CHODL: variants seen among roughly 807,000 people sequenced by gnomAD.
The protein encoded by CHODL is chondrolectin, also known as transmembrane protein MT75.
A neutral mutation model predicts 34.5 loss-of-function variants in CHODL; 29 were observed. The ratio of observed to expected loss-of-function variants is 0.84; its 90% CI spans 0.63 to 1.15. The LOEUF is 1.15. CHODL is among the 50% of genes most tolerant of loss of function. CHODL has a pLI of 0.00. For missense variants in CHODL, 332 were observed against 332.5 expected, an observed-to-expected ratio of 1.00 and a Z score of 0.01; for synonymous variants, 125 against 116.1, an observed-to-expected ratio of 1.08 and a Z score of -0.49.
intron 2 of CHODL, among the ~76,000 whole-genome samples, chr21:18,074,423 A>G (rs2064840786): frequency 6.6e-6 from 1 of 152,180 alleles, no homozygotes; most frequent in African/African-American, 2.4e-5. Flanking sequence ...AGAACATTAC[A>G]CAGGCTTTAT....
chr21:18,070,410 G>A (rs1260703441), intron 2 of CHODL, among the ~76,000 whole-genome samples: 1 of 151,732 alleles, frequency 6.6e-6, no homozygotes, highest in Non-Finnish European at 1.5e-5. Flanking sequence ...AAATTCACCA[G>A]CAGTCCTTAG....
At chr21:18,193,620 CAGGAGGCAG>C (rs1332262601) in intron 2 of CHODL, among the ~76,000 whole-genome samples, 1 of 150,456 alleles carries the variant, frequency 6.6e-6, no homozygotes, top group Non-Finnish European at 1.5e-5. Flanking sequence ...TGTTTGAACC[CAGGAGGCAG>C]AGGTTGCAGT....
intron 2 of CHODL, among the ~76,000 whole-genome samples, chr21:18,161,950 G>A (rs569550803): frequency 2.6e-5 from 4 of 152,260 alleles, no homozygotes; most frequent in South Asian, 4.1e-4. Flanking sequence ...TAAGTGTACA[G>A]CTGGTTGAGC....
chr21:18,087,294 G>T (rs1334002393), intron 2 of CHODL, among the ~76,000 whole-genome samples: 2 of 152,160 alleles, frequency 1.3e-5, no homozygotes, highest in African/African-American at 2.4e-5. Context: ...ATTGTCTGAG[G>T]TACTCATAGG....
At chr21:18,139,654 G>C (rs1235094193) in intron 2 of CHODL, among the ~76,000 whole-genome samples, 2 of 152,138 alleles carry the variant, frequency 1.3e-5, no homozygotes, top group Admixed American at 1.3e-4. Context: ...AGACTTTGCA[G>C]GCCCATTCAG....
chr21:18,151,498 T>C (rs2072968642), intron 2 of CHODL, among the ~76,000 whole-genome samples: 1 of 152,228 alleles, frequency 6.6e-6, no homozygotes, highest in South Asian at 2.1e-4. Flanking sequence ...TGTAATATTC[T>C]TTACAGTAAA....
intron 1 of CHODL, among the ~76,000 whole-genome samples, chr21:17,992,936 A>T (rs1385304074): frequency 6.6e-6 from 1 of 152,052 alleles, no homozygotes; most frequent in Non-Finnish European, 1.5e-5. Flanking sequence ...CACAGGTGTG[A>T]GCCACGGCGC....
chr21:18,202,351 G>A (rs567767127), intron 2 of CHODL, among the ~76,000 whole-genome samples: 11 of 152,122 alleles, frequency 7.2e-5, no homozygotes, highest in Non-Finnish European at 1.0e-4. Flanking sequence ...TTGGAGTAAG[G>A]AAATCACTAA....
intron 1 of CHODL, among the ~76,000 whole-genome samples, chr21:17,921,547 A>G (rs187810007): frequency 1.3e-5 from 2 of 152,320 alleles, no homozygotes; most frequent in East Asian, 3.9e-4. Flanking sequence ...GGGATGAAGG[A>G]GCCACTAGGA....
intron 2 of CHODL, among the ~76,000 whole-genome samples, chr21:18,203,411 G>A (rs558719205): frequency 3.0e-4 from 45 of 152,066 alleles, no homozygotes; most frequent in Non-Finnish European, 5.3e-4. Context: ...CATGCAGTTC[G>A]TTCTAAAACT....
At chr21:18,133,885 A>G (rs1205651840) in intron 2 of CHODL, among the ~76,000 whole-genome samples, 1 of 152,160 alleles carries the variant, frequency 6.6e-6, no homozygotes, top group Non-Finnish European at 1.5e-5. Context: ...GCCAGCATCT[A>G]TAAAACTGTG....
chr21:18,206,771 GT>G (rs2073716365), intron 2 of CHODL, among the ~76,000 whole-genome samples: 1 of 150,186 alleles, frequency 6.7e-6, no homozygotes, highest in South Asian at 2.1e-4. Context: ...CTCTGGTGGT[GT>G]TCTACTTTCT....
At position 17,949,034 on chromosome 21, in the gene CHODL, C is replaced by A. The variant is rs1221621056; in HGVS notation, c.-145+31634C>A. On this transcript the variant is annotated intron_variant, in intron 1 of 6. Transcript: ENST00000400127. ...TATGGAGTTAGAATACCTAACTATG[C>A]AACACTTTGATTACTTTCAGCTGAC... 6.6e-5 allele frequency among the ~76,000 whole-genome samples: 10 copies of A among 152,118 alleles called. 1 individual carries two copies. Among genetic ancestry groups the A allele is most frequent in the Non-Finnish European group, 5.9e-5 (4 of 67,998 alleles).
intron 2 of CHODL, among the ~76,000 whole-genome samples, chr21:18,179,847 C>T (rs1280637885): frequency 6.6e-6 from 1 of 152,144 alleles, no homozygotes; most frequent in Non-Finnish European, 1.5e-5. Flanking sequence ...TTGTTGACAA[C>T]ATATGACCTT....
chr21:18,081,703 AG>A (rs35471919), intron 2 of CHODL, among the ~76,000 whole-genome samples: 764 of 66,432 alleles, frequency 0.012, 13 homozygotes, highest in Non-Finnish European at 0.011. Context: ...AAAAAAAAAG[AG>A]GGTGAAAGTG....
intron 2 of CHODL, among the ~76,000 whole-genome samples, chr21:18,237,560 CTT>C (rs2074039830): frequency 6.6e-6 from 1 of 152,100 alleles, no homozygotes; most frequent in African/African-American, 2.4e-5. Context: ...GGAGAATATC[CTT>C]CCTGTGTTGG....
intron 1 of CHODL, among the ~76,000 whole-genome samples, chr21:17,966,482 A>G (rs2063573095): frequency 6.6e-6 from 1 of 152,214 alleles, no homozygotes; most frequent in South Asian, 2.1e-4. Flanking sequence ...TGGCCCACCT[A>G]GATGGAAATG....
chr21:18,088,206 G>T (rs779163062), intron 2 of CHODL, among the ~76,000 whole-genome samples: 1 of 152,122 alleles, frequency 6.6e-6, no homozygotes, highest in Admixed American at 6.5e-5. Context: ...AGAGGGTGAG[G>T]TCTCTCCTAG....
chr21:18,205,261 T>C (rs2073699126), intron 2 of CHODL, among the ~76,000 whole-genome samples: 1 of 152,198 alleles, frequency 6.6e-6, no homozygotes, highest in Non-Finnish European at 1.5e-5. Context: ...GGTATGTTCT[T>C]TCTATACCCA....
Sources: allele counts gnomAD v4.1 joint callset (sites outside exome capture counted in the v4.1 genomes callset), GRCh38; gene constraint gnomAD v4.1.1; transcripts MANE v1.5; gene names NCBI Gene and HGNC (gene_info 2026-07-23, HGNC 2026-07-21).